The following NEO1 variants were observed in gnomAD, a reference collection of about 807,000 sequenced individuals.
NEO1 encodes neogenin.
NEO1 carries 63 observed loss-of-function variants against 159.7 expected under a neutral mutation model. The ratio of observed to expected loss-of-function variants is 0.39; its 90% CI spans 0.32 to 0.49. NEO1 has a LOEUF of 0.49. NEO1 is among the 20% of genes least tolerant of loss of function. The probability of loss-of-function intolerance (pLI) is 0.85; values close to 1 mark genes in which losing one functional copy is unlikely to be tolerated. For missense variants in NEO1, 1,615 were observed against 1,831.0 expected (o/e 0.88, Z 2.15); for synonymous variants, 633 against 662.0 (o/e 0.96, Z 0.67).
chr15:73,214,873 A>G (rs1383404510), intron 7 of NEO1, among the ~76,000 whole-genome samples: 1 of 152,162 alleles, frequency 6.6e-6, no homozygotes, highest in African/African-American at 2.4e-5. Flanking sequence ...TTTTGGCACT[A>G]TGATCATTTT....
In NEO1 at chr15:73,293,458, G is replaced by A. The variant is rs769699834; in HGVS notation, c.3811G>A (p.Ala1271Thr). 25 of 1,613,956 alleles carry A rather than the reference G, an allele frequency of 1.5e-5. No individual in the cohort carries two copies. Among genetic ancestry groups the A allele is most frequent in the South Asian group, 1.5e-4 (14 of 91,080 alleles). ...CCATCATTTCCACTCCAGCAGCCTC[G>A]CTTCTCCAGCTCGCAGTCATCTCTA... ...PHHHFHSSSLASPARSHLYHP... is the reference protein window; with the variant it reads ...PHHHFHSSSLTSPARSHLYHP... The change falls in exon 26 of 29, where the codon GCT becomes ACT. Residue 1271 changes from alanine (A) to threonine (T), a missense_variant. By Grantham distance (58) the Ala-to-Thr change is moderately conservative. Coordinates refer to ENST00000261908, the MANE Select transcript of NEO1 (RefSeq NM_002499.4).
chr15:73,181,901 C>G (rs1340603879), intron 7 of NEO1, among the ~76,000 whole-genome samples: 1 of 152,058 alleles, frequency 6.6e-6, no homozygotes, highest in East Asian at 1.9e-4. Context: ...CAAGGTTTAC[C>G]CAAGTTCTGG....
intron 28 of NEO1, among the ~76,000 whole-genome samples, chr15:73,301,949 G>A (rs1648248): frequency 0.097 from 14,813 of 152,196 alleles, 987 homozygotes; most frequent in African/African-American, 0.18. Flanking sequence ...GATAACAGGC[G>A]TGAGCCACCA....
chr15:73,101,520 T>C (rs2070400774), intron 1 of NEO1, among the ~76,000 whole-genome samples: 1 of 152,194 alleles, frequency 6.6e-6, no homozygotes, highest in East Asian at 1.9e-4. Context: ...AATCTCTGCC[T>C]CTTCAACTCC....
chr15:73,172,926 A>AGG (rs1398368929), intron 5 of NEO1, among the ~76,000 whole-genome samples: 2 of 152,196 alleles, frequency 1.3e-5, no homozygotes. Context: ...CACTCTCCTG[A>AGG]TTTCTCAGAA....
At chr15:73,176,878 A>T (rs1191155398) in intron 6 of NEO1, among the ~76,000 whole-genome samples, 1 of 152,116 alleles carries the variant, frequency 6.6e-6, no homozygotes, top group Non-Finnish European at 1.5e-5. Flanking sequence ...GTGTGCGTGT[A>T]TGTGTGTCCC....
At chr15:73,089,933 CAT>C (rs2069587940) in intron 1 of NEO1, among the ~76,000 whole-genome samples, 1 of 152,058 alleles carries the variant, frequency 6.6e-6, no homozygotes, top group Non-Finnish European at 1.5e-5. Context: ...ATAGGATGAC[CAT>C]ATGTCTAAAT....
intron 1 of NEO1, among the ~76,000 whole-genome samples, chr15:73,111,034 C>A (rs2070955709): frequency 6.6e-6 from 1 of 152,020 alleles, no homozygotes; most frequent in Non-Finnish European, 1.5e-5. Flanking sequence ...CATATATATA[C>A]ATATATAAAA....
intron 25 of NEO1, among the ~76,000 whole-genome samples, chr15:73,292,993 G>C (rs2042215458): frequency 6.6e-6 from 1 of 152,100 alleles, no homozygotes; most frequent in Non-Finnish European, 1.5e-5. Context: ...GTTGGCTTAT[G>C]GATTTATATT....
chr15:73,110,096 G>C (rs555406339), intron 1 of NEO1, among the ~76,000 whole-genome samples: 1 of 152,278 alleles, frequency 6.6e-6, no homozygotes, highest in East Asian at 1.9e-4. Context: ...TAAGGTAGTT[G>C]AGAATTTGAA....
chr15:73,289,012 C>A, intron 24 of NEO1, 134 bp from the exon 25 acceptor site: 1 of 665,946 alleles, frequency 1.5e-6, no homozygotes, highest in Non-Finnish European at 2.7e-6. Flanking sequence ...CTTTATTTCA[C>A]TTCTTACAGA....
At chr15:73,255,796 T>C (rs949944043) in intron 13 of NEO1, 8 of 152,192 alleles carry the variant, frequency 5.3e-5, no homozygotes, top group African/African-American at 1.9e-4. Flanking sequence ...GAGTATTGCC[T>C]CAGCTGCATC....
At chr15:73,260,583 T>C (rs886618396) in intron 15 of NEO1, 118 bp downstream of exon 15, 1 of 924,914 alleles carries the variant, frequency 1.1e-6, no homozygotes, top group African/African-American at 1.7e-5. Context: ...AATTTCTGCA[T>C]GTTATTCACC....
intron 7 of NEO1, among the ~76,000 whole-genome samples, chr15:73,220,362 T>C (rs1222826522): frequency 6.6e-6 from 1 of 152,174 alleles, no homozygotes; most frequent in Non-Finnish European, 1.5e-5. Context: ...CCCTTAACAT[T>C]TTTTCCTTCA....
intron 11 of NEO1, among the ~76,000 whole-genome samples, 182 bp downstream of exon 11, chr15:73,249,903 A>G (rs1471836799): frequency 2.0e-5 from 3 of 152,202 alleles, no homozygotes; most frequent in African/African-American, 4.8e-5. Flanking sequence ...GATAATACCA[A>G]CTTCATTGAG....
chr15:73,287,542 C>G (rs1364266653), intron 23 of NEO1, among the ~76,000 whole-genome samples: 1 of 152,110 alleles, frequency 6.6e-6, no homozygotes, highest in South Asian at 2.1e-4. Flanking sequence ...CATTGTTGTC[C>G]CCATTCTTGA....
chr15:73,104,772 T>TA (rs2070589507), intron 1 of NEO1, among the ~76,000 whole-genome samples: 1 of 152,036 alleles, frequency 6.6e-6, no homozygotes, highest in Non-Finnish European at 1.5e-5. Flanking sequence ...TCACAAAACT[T>TA]ACAGTAATGG....
At chr15:73,165,722 C>T (rs752511927) in intron 5 of NEO1, among the ~76,000 whole-genome samples, 2 of 152,156 alleles carry the variant, frequency 1.3e-5, no homozygotes, top group Non-Finnish European at 2.9e-5. Context: ...GAAGACAGCT[C>T]TCCACAGCAG....
At chr15:73,259,967 CA>C (rs1258570888) in intron 14 of NEO1, among the ~76,000 whole-genome samples, 1 of 151,894 alleles carries the variant, frequency 6.6e-6, no homozygotes, top group African/African-American at 2.4e-5. Context: ...TATTGAAAGG[CA>C]ATTTATTTTT....
Sources: allele counts gnomAD v4.1 joint callset (sites outside exome capture counted in the v4.1 genomes callset), GRCh38; gene constraint gnomAD v4.1.1; transcripts MANE v1.5; gene names NCBI Gene and HGNC (gene_info 2026-07-23, HGNC 2026-07-21).